Variants in SSBP4 observed in about 807,000 individuals in gnomAD.
SSBP4 encodes the protein single stranded DNA binding protein 4, also known as single-stranded DNA-binding protein 4.
In SSBP4, 33 loss-of-function variants were observed where a neutral mutation model predicts 64.6. The observed-to-expected ratio is 0.51, with a 90% CI of 0.39 to 0.68. The LOEUF (loss-of-function observed/expected upper bound fraction) is 0.68, where lower values mean the gene tolerates loss of function less well. SSBP4 is among the 30% of genes least tolerant of loss of function. SSBP4 has a pLI of 0.00. For synonymous variants in SSBP4, 243 were observed against 224.0 expected (o/e 1.08, Z -0.76); for missense variants, 583 against 566.8 (o/e 1.03, Z -0.29).
chr19:18,422,076 G>A (rs1972503952), intron 1 of SSBP4, among the ~76,000 whole-genome samples: 1 of 152,134 alleles, frequency 6.6e-6, no homozygotes, highest in Admixed American at 6.5e-5. Flanking sequence ...TGAAAGGATC[G>A]CTTGAACCTA....
chr19:18,428,301 T>A (rs1394301703), intron 4 of SSBP4, among the ~76,000 whole-genome samples: 1 of 152,172 alleles, frequency 6.6e-6, no homozygotes, highest in Non-Finnish European at 1.5e-5. Flanking sequence ...CATGTGAGCC[T>A]GCGTGGAGAT....
the SSBP4 span, among the ~76,000 whole-genome samples, chr19:18,405,851 C>A: frequency 6.6e-6 from 1 of 152,012 alleles, no homozygotes; most frequent in Non-Finnish European, 1.5e-5. Flanking sequence ...ATTAGTTAAG[C>A]GTGGTGGCGT....
At chr19:18,414,946 G>A (rs1972119829), upstream of SSBP4, among the ~76,000 whole-genome samples, 1 of 152,080 alleles carries the variant, frequency 6.6e-6, no homozygotes, top group African/African-American at 2.4e-5. Context: ...CTAGTCTTGG[G>A]GTATAATCCC....
In SSBP4 at chr19:18,427,602, G is replaced by A. The variant is rs556214173; in HGVS notation, c.133-150G>A. 56 of 1,176,074 alleles carry A rather than the reference G, an allele frequency of 4.8e-5. No homozygotes were observed. Among genetic ancestry groups the A allele is most frequent in the Non-Finnish European group, 5.9e-5 (50 of 852,068 alleles). 72.9% of individuals were successfully genotyped at this position (1,176,074 alleles called of 1,614,324 possible). On this transcript the variant is annotated intron_variant, in intron 2 of 17. Coordinates refer to ENST00000270061, the MANE Select transcript of SSBP4 (RefSeq NM_032627.5). The surrounding 1 kb of genome is among the most constrained non-coding windows in gnomAD (Gnocchi z 4.4). ...AGGCATCTGGTCCACATGCCCAGCCGGGACCTGCCACACATCCTGGGGCCC... is the reference window on the plus strand; with the variant it reads ...AGGCATCTGGTCCACATGCCCAGCCAGGACCTGCCACACATCCTGGGGCCC...
the SSBP4 span, among the ~76,000 whole-genome samples, chr19:18,404,045 G>GC: frequency 2.0e-5 from 3 of 151,782 alleles, no homozygotes; most frequent in South Asian, 2.1e-4. Flanking sequence ...ACACCAGCCC[G>GC]CCCCCCAGCT....
chr19:18,417,393 G>A (rs942443081), upstream of SSBP4, among the ~76,000 whole-genome samples: 2 of 152,206 alleles, frequency 1.3e-5, no homozygotes, highest in Non-Finnish European at 2.9e-5. The surrounding 1 kb of genome is among the most constrained non-coding windows in gnomAD (Gnocchi z 5.4). Flanking sequence ...GCCCTGGGGA[G>A]CCACGGAGCT....
chr19:18,411,944 G>T, the SSBP4 span, among the ~76,000 whole-genome samples: 3 of 151,836 alleles, frequency 2.0e-5, no homozygotes, highest in Non-Finnish European at 4.4e-5. Context: ...CGAGAGGATC[G>T]CTTGAGGCCA....
chr19:18,416,470 C>T (rs776166001), upstream of SSBP4, among the ~76,000 whole-genome samples: 1 of 152,206 alleles, frequency 6.6e-6, no homozygotes, highest in Non-Finnish European at 1.5e-5. Flanking sequence ...GCTGCCACCA[C>T]GTGCGGCCTC....
chr19:18,429,206 C>T (rs1448106611), intron 4 of SSBP4, among the ~76,000 whole-genome samples: 2 of 152,114 alleles, frequency 1.3e-5, no homozygotes, highest in Admixed American at 6.5e-5. Context: ...TGCACGGAGG[C>T]GGCCCCTTCC....
chr19:18,432,194 A>T lies in SSBP4; in HGVS notation c.684A>T (p.Pro228=). ...CCCCACCCAACTCCCTCGCCGGCCC[A>T]GGCCTGCCTGCCATGAACATGTAAG... ...MRPPPNSLAG[P]GLPAMNMGPG... is the part of the protein sequence containing the mutation. Residue 228 remains proline (P), a synonymous_variant, in exon 10 of 18, where the codon CCA becomes CCT. Coordinates refer to ENST00000270061, the MANE Select transcript of SSBP4 (RefSeq NM_032627.5). 6.2e-7 allele frequency: 1 copy of T among 1,613,110 alleles called. No individual in the cohort carries two copies. The highest frequency in any genetic ancestry group is 1.1e-5 in the South Asian group (1 of 91,086).
At chr19:18,430,766 G>A in intron 4 of SSBP4, 75 bp from the exon 5 acceptor site, 4 of 1,206,886 alleles carry the variant, frequency 3.3e-6, no homozygotes, top group South Asian at 1.5e-5. Flanking sequence ...CACCTGCAGA[G>A]AGGGGGGGCA....
chr19:18,404,202 G>C, the SSBP4 span, among the ~76,000 whole-genome samples: 1 of 151,516 alleles, frequency 6.6e-6, no homozygotes, highest in Admixed American at 6.6e-5. Flanking sequence ...GAGACCTTCA[G>C]AGACTCCCAA....
rs1185395709 is a variant in SSBP4 at position 18,427,092 on chromosome 19, G to C, written c.60-259G>C. Among the ~76,000 whole-genome samples the C allele has an allele frequency of 2.0e-5, 3 of 152,168 alleles. No homozygotes were observed. The highest frequency in any genetic ancestry group is 6.5e-5 in the Admixed American group (1 of 15,280). ...ACCTCCCCAGCGCTGAGGCCTCTCT[G>C]GAGTCTCAGTGTTGGCAGGACATGG... On this transcript the variant is annotated intron_variant, in intron 1 of 17. Transcript: ENST00000270061. The surrounding 1 kb of genome is among the most constrained non-coding windows in gnomAD (Gnocchi z 4.4).
At chr19:18,413,502 C>T in the SSBP4 span, among the ~76,000 whole-genome samples, 1 of 152,256 alleles carries the variant, frequency 6.6e-6, no homozygotes, top group East Asian at 1.9e-4. Flanking sequence ...GCGTGACCCA[C>T]CACACCCAGC....
At chr19:18,429,160 T>C (rs1014054903) in intron 4 of SSBP4, among the ~76,000 whole-genome samples, 1 of 151,870 alleles carries the variant, frequency 6.6e-6, no homozygotes, top group Non-Finnish European at 1.5e-5. Context: ...CCTCCGTTGC[T>C]CTCGCTCTAA....
chr19:18,412,684 G>C, the SSBP4 span, among the ~76,000 whole-genome samples: 1 of 152,094 alleles, frequency 6.6e-6, no homozygotes, highest in Non-Finnish European at 1.5e-5. Flanking sequence ...ATGAGCCTCA[G>C]TTTCCCCATC....
intron 5 of SSBP4, 131 bp from the exon 6 acceptor site, chr19:18,431,222 C>T (rs1474660162): frequency 4.9e-6 from 3 of 608,952 alleles, no homozygotes; most frequent in South Asian, 2.0e-5. Context: ...TGAGTCCTGC[C>T]CTCAAGCCTT....
In SSBP4 at chr19:18,423,588, G is replaced by A. The variant is rs1239846855; in HGVS notation, c.60-3763G>A. Among the ~76,000 whole-genome samples, 2 of 152,212 alleles carry A rather than the reference G, an allele frequency of 1.3e-5. No homozygotes were observed. Among genetic ancestry groups the A allele is most frequent in the Non-Finnish European group, 2.9e-5 (2 of 68,036 alleles). On this transcript the variant is annotated intron_variant, in intron 1 of 17. Coordinates refer to ENST00000270061, the MANE Select transcript of SSBP4 (RefSeq NM_032627.5). The surrounding 1 kb of genome is among the most constrained non-coding windows in gnomAD (Gnocchi z 4.0). ...CGCTGAGCAGGGAGCATCCATTGCA[G>A]CCATTCTGGGTAATTATGGTAACTC...
chr19:18,420,713 C>T (rs560635638), intron 1 of SSBP4, among the ~76,000 whole-genome samples: 1 of 151,944 alleles, frequency 6.6e-6, no homozygotes, highest in East Asian at 1.9e-4. Context: ...CAAAAATTAG[C>T]TGGGCGTGGG....
Sources: gnomAD v4.1 joint callset for allele counts (sites outside exome capture counted in the v4.1 genomes callset) on GRCh38, gnomAD v4.1.1 for gene constraint, Gnocchi (gnomAD v3.1) non-coding constraint, MANE v1.5 for transcripts, NCBI Gene and HGNC (gene_info 2026-07-23, HGNC 2026-07-21) for gene names.